Variants in RUFY1 observed in about 807,000 individuals in gnomAD.
RUFY1 encodes the protein RUN and FYVE domain-containing protein 1.
RUFY1 carries 54 observed loss-of-function variants against 94.6 expected under a neutral mutation model. The observed-to-expected ratio is 0.57, with a 90% CI of 0.46 to 0.72. The LOEUF is 0.72. RUFY1 is among the 30% of genes least tolerant of loss of function. RUFY1 has a pLI of 0.00. For missense variants in RUFY1, 883 were observed against 883.9 expected, an observed-to-expected ratio of 1.00 and a Z score of 0.01; for synonymous variants, 396 against 347.3, an observed-to-expected ratio of 1.14 and a Z score of -1.56.
chr5:179,551,413 C>T (rs544704740), intron 1 of RUFY1, among the ~76,000 whole-genome samples: 5 of 152,362 alleles, frequency 3.3e-5, no homozygotes, highest in East Asian at 1.9e-4. Flanking sequence ...GTAACTTAGC[C>T]CTCTAACGCC....
intron 11 of RUFY1, 107 bp from the exon 12 acceptor site, chr5:179,594,759 T>TGA: frequency 4.4e-6 from 2 of 456,698 alleles, no homozygotes; most frequent in Non-Finnish European, 7.1e-6. Flanking sequence ...AGACTCTGTC[T>TGA]CAAAAAAAAA....
rs142427162 is a variant in RUFY1, at chr5:179,596,136, G to A, written c.1512-426G>A. The A allele has an allele frequency of 6.5e-3, 1,741 of 266,254 alleles. 15 individuals carry two copies. The highest frequency in any genetic ancestry group is 0.036 in the Middle Eastern group (25 of 694). 16.5% of individuals were successfully genotyped at this position (266,254 alleles called of 1,614,324 possible). A position where few individuals can be genotyped will look rare whatever the true frequency, so the allele number is the denominator to read the frequency against. ...GATAAACAAAGTGGTACGTCTGTGC[G>A]GTGAAGTATGACTCAGCCGTAGAAA... is the stretch of plus-strand genomic sequence containing the variant. On this transcript the variant is annotated intron_variant, in intron 12 of 17. Coordinates refer to ENST00000319449, the MANE Select transcript of RUFY1 (RefSeq NM_025158.5).
intron 12 of RUFY1, among the ~76,000 whole-genome samples, chr5:179,595,215 C>T (rs897570399): frequency 6.6e-6 from 1 of 152,154 alleles, no homozygotes; most frequent in African/African-American, 2.4e-5. Context: ...CGCGGTGGCT[C>T]ACGCCTGTAA....
intron 6 of RUFY1, among the ~76,000 whole-genome samples, chr5:179,579,487 C>T (rs1162479103): frequency 6.6e-6 from 1 of 151,598 alleles, no homozygotes; most frequent in Non-Finnish European, 1.5e-5. Context: ...CCCGCCACCT[C>T]ACCTGGCTAA....
At chr5:179,577,189 T>TTTTTTTATAAA in intron 6 of RUFY1, 53 bp downstream of exon 6, 1 of 871,456 alleles carries the variant, frequency 1.1e-6, no homozygotes, top group Non-Finnish European at 1.7e-6. Flanking sequence ...TTTTTTTTTT[T>TTTTTTTATAAA]GAGACAGAAT....
chr5:179,561,307 A>G (rs951452543), intron 2 of RUFY1, among the ~76,000 whole-genome samples: 35 of 152,138 alleles, frequency 2.3e-4, no homozygotes, highest in African/African-American at 8.4e-4. Context: ...GACTCCAGGT[A>G]ACAGGTGTGC....
chr5:179,578,275 G>A (rs1436342633), intron 6 of RUFY1, among the ~76,000 whole-genome samples: 1 of 152,040 alleles, frequency 6.6e-6, no homozygotes, highest in Non-Finnish European at 1.5e-5. Flanking sequence ...GTGCAGTGGT[G>A]CAATCTCGGC....
At chr5:179,584,789 G>C (rs1468197205) in intron 7 of RUFY1, among the ~76,000 whole-genome samples, 1 of 151,558 alleles carries the variant, frequency 6.6e-6, no homozygotes, top group East Asian at 1.9e-4. Context: ...AAAAAAAGTA[G>C]TACATGTTAT....
Position 179,586,700 on chromosome 5 carries a change from G to A in RUFY1, c.1026+835G>A, listed in dbSNP as rs1764630975. ...CTTCAGGAAAGGAGCTCAGATTTGT[G>A]TGAGTAGAAGGAAATTCAAGACGGT... On this transcript the variant is annotated intron_variant, in intron 8 of 17. Coordinates refer to ENST00000319449, the MANE Select transcript of RUFY1 (RefSeq NM_025158.5). 2.0e-5 allele frequency among the ~76,000 whole-genome samples: 3 copies of A among 152,284 alleles called. No homozygotes were observed. In the South Asian group the frequency reaches 6.2e-4, roughly 32 times the overall value.
chr5:179,593,369 A>G, intron 10 of RUFY1, 109 bp from the exon 11 acceptor site: 1 of 1,317,148 alleles, frequency 7.6e-7, no homozygotes, highest in Non-Finnish European at 1.1e-6. Context: ...ATGAGCCACC[A>G]CACCCAGCCT....
At chr5:179,566,641 AAG>A (rs1491050512) in intron 3 of RUFY1, among the ~76,000 whole-genome samples, 1 of 152,050 alleles carries the variant, frequency 6.6e-6, no homozygotes, top group Non-Finnish European at 1.5e-5. Context: ...AAAAAAAAAA[AAG>A]ATTGGTTCCA....
intron 15 of RUFY1, among the ~76,000 whole-genome samples, 192 bp from the exon 16 acceptor site, chr5:179,605,684 A>G (rs1226088010): frequency 1.3e-5 from 2 of 151,968 alleles, no homozygotes; most frequent in African/African-American, 4.8e-5. Flanking sequence ...CTCAGCCCTC[A>G]GCAGACGGGA....
At chr5:179,575,896 C>T (rs1164160463) in intron 5 of RUFY1, among the ~76,000 whole-genome samples, 1 of 152,044 alleles carries the variant, frequency 6.6e-6, no homozygotes, top group Non-Finnish European at 1.5e-5. Context: ...ATCCTCTCAC[C>T]TCAGCCTCCC....
At chr5:179,582,126 T>C (rs1211352143) in intron 7 of RUFY1, among the ~76,000 whole-genome samples, 2 of 152,176 alleles carry the variant, frequency 1.3e-5, no homozygotes, top group Non-Finnish European at 2.9e-5. Flanking sequence ...ATCATGGTTT[T>C]CATCCCATAA....
intron 6 of RUFY1, among the ~76,000 whole-genome samples, chr5:179,580,343 C>T (rs1404595746): frequency 2.6e-5 from 4 of 151,060 alleles, no homozygotes; most frequent in South Asian, 2.1e-4. Context: ...CCCGGGTTCA[C>T]GCCATTCTCC....
intron 14 of RUFY1, 105 bp downstream of exon 14, chr5:179,598,926 G>A: frequency 7.5e-7 from 1 of 1,337,986 alleles, no homozygotes; most frequent in African/African-American, 1.5e-5. Context: ...TGGGGGCCAG[G>A]CGGCTCCAGG....
At chr5:179,574,884 C>A (rs1020047348) in intron 5 of RUFY1, among the ~76,000 whole-genome samples, 1 of 151,694 alleles carries the variant, frequency 6.6e-6, no homozygotes, top group Admixed American at 6.6e-5. Context: ...GGTATTAATT[C>A]TTTCTCATCT....
chr5:179,577,662 T>G, intron 6 of RUFY1, among the ~76,000 whole-genome samples: 1 of 147,162 alleles, frequency 6.8e-6, no homozygotes, highest in African/African-American at 2.5e-5. Context: ...GGTGGGGAGT[T>G]TCAGCCGAAA....
chr5:179,588,087 T>G (rs940114043), intron 8 of RUFY1, among the ~76,000 whole-genome samples: 3 of 152,152 alleles, frequency 2.0e-5, no homozygotes, highest in African/African-American at 7.2e-5. Flanking sequence ...GGGAATTAGC[T>G]TATGGTTTTT....
Sources: allele counts gnomAD v4.1 joint callset (sites outside exome capture counted in the v4.1 genomes callset), GRCh38; gene constraint gnomAD v4.1.1; transcripts MANE v1.5; gene names NCBI Gene and HGNC (gene_info 2026-07-23, HGNC 2026-07-21).